GRIK2: variants seen among roughly 807,000 people sequenced by gnomAD.
GRIK2 encodes glutamate ionotropic receptor kainate type subunit 2.
Under a neutral mutation model 100.3 loss-of-function variants are expected in GRIK2, and 32 were observed. The observed-to-expected ratio is 0.32, with a 90% CI of 0.24 to 0.43. The LOEUF (loss-of-function observed/expected upper bound fraction) is 0.43. Ranked by LOEUF, GRIK2 falls within the 20% of genes least tolerant of loss-of-function variation. The probability of loss-of-function intolerance (pLI) is 1.00; values close to 1 mark genes in which losing one functional copy is unlikely to be tolerated. For missense variants in GRIK2, 843 were observed against 1,114.9 expected (o/e 0.76, Z 3.47); for synonymous variants, 417 against 389.4 (o/e 1.07, Z -0.83).
In GRIK2 at chr6:101,948,271, G is replaced by C. The variant is rs1282123429; in HGVS notation, c.2085+19639G>C. ...TTATATTTATTATGTCCTTATTCCT[G>C]TGTCTTCAAAACAGAAAATGATTTG... On this transcript the variant is annotated intron_variant, in intron 14 of 16. Transcript: ENST00000369134. 3.3e-5 allele frequency among the ~76,000 whole-genome samples: 5 copies of C among 150,926 alleles called. No homozygotes were observed. In the East Asian group the frequency reaches 9.7e-4, roughly 29 times the overall value.
intron 2 of GRIK2, among the ~76,000 whole-genome samples, chr6:101,450,577 C>T (rs1305591415): frequency 6.6e-6 from 1 of 151,748 alleles, no homozygotes; most frequent in Admixed American, 6.6e-5. Flanking sequence ...CACCAGAGAA[C>T]ATGTATTTTG....
chr6:101,708,415 A>G (rs1372929780), intron 7 of GRIK2, among the ~76,000 whole-genome samples: 2 of 151,612 alleles, frequency 1.3e-5, no homozygotes, highest in African/African-American at 4.8e-5. Flanking sequence ...GGATGATGAT[A>G]ATATAACTCT....
intron 7 of GRIK2, among the ~76,000 whole-genome samples, chr6:101,789,931 A>G (rs1332306732): frequency 1.3e-5 from 2 of 152,080 alleles, no homozygotes; most frequent in African/African-American, 4.8e-5. Flanking sequence ...CGTCCCTTGT[A>G]AGTTGGATTC....
chr6:101,502,988 C>T (rs958294726), intron 2 of GRIK2, among the ~76,000 whole-genome samples: 5 of 152,006 alleles, frequency 3.3e-5, no homozygotes, highest in Non-Finnish European at 7.4e-5. Flanking sequence ...GATGGCTGCT[C>T]TATTGAGGAA....
chr6:102,021,016 T>C (rs368107796), intron 14 of GRIK2, among the ~76,000 whole-genome samples: 1 of 151,824 alleles, frequency 6.6e-6, no homozygotes, highest in South Asian at 2.1e-4. Flanking sequence ...TATAGAAAAC[T>C]ATGTGCTTCC....
At chr6:101,798,783 C>T (rs1406665259) in intron 7 of GRIK2, among the ~76,000 whole-genome samples, 2 of 152,080 alleles carry the variant, frequency 1.3e-5, no homozygotes, top group Non-Finnish European at 2.9e-5. Flanking sequence ...ATCGATCTGT[C>T]AAACACAGAG....
At chr6:101,867,458 G>A (rs1785122234) in intron 11 of GRIK2, among the ~76,000 whole-genome samples, 1 of 151,684 alleles carries the variant, frequency 6.6e-6, no homozygotes, top group Non-Finnish European at 1.5e-5. Flanking sequence ...TCAGTGACAA[G>A]GATATTTTGA....
At chr6:101,566,877 T>C (rs1777302352) in intron 2 of GRIK2, among the ~76,000 whole-genome samples, 2 of 150,408 alleles carry the variant, frequency 1.3e-5, no homozygotes, top group Non-Finnish European at 3.0e-5. Context: ...CATATATACA[T>C]ATATTCAGAT....
intron 2 of GRIK2, among the ~76,000 whole-genome samples, chr6:101,618,747 G>A (rs1780012470): frequency 6.6e-6 from 1 of 151,398 alleles, no homozygotes; most frequent in African/African-American, 2.4e-5. Flanking sequence ...TATTTTCATT[G>A]ATATAGTCAA....
chr6:102,009,735 T>A (rs1795422496), intron 14 of GRIK2, among the ~76,000 whole-genome samples: 1 of 152,174 alleles, frequency 6.6e-6, no homozygotes, highest in Non-Finnish European at 1.5e-5. Flanking sequence ...TCTTACGGTG[T>A]AAACTGCCTA....
At chr6:102,027,672 C>G (rs1362721065) in intron 14 of GRIK2, among the ~76,000 whole-genome samples, 6 of 150,998 alleles carry the variant, frequency 4.0e-5, no homozygotes, top group Non-Finnish European at 5.9e-5. Flanking sequence ...TAAATCCTTG[C>G]TTTAGGAGGT....
intron 12 of GRIK2, among the ~76,000 whole-genome samples, chr6:101,904,368 T>G (rs1582499537): frequency 6.6e-6 from 1 of 151,566 alleles, no homozygotes; most frequent in East Asian, 1.9e-4. Context: ...CAATTTGAAG[T>G]TTTTAAAAAA....
intron 7 of GRIK2, among the ~76,000 whole-genome samples, chr6:101,704,025 T>G (rs918894983): frequency 6.6e-6 from 1 of 151,654 alleles, no homozygotes; most frequent in Non-Finnish European, 1.5e-5. Flanking sequence ...AGGAGCAAAA[T>G]TATCTTTTTG....
In GRIK2 at chr6:101,849,813, G is replaced by GTTTTT. The variant is rs36010543; in HGVS notation, c.1318-9452_1318-9448dup. 1.6e-3 allele frequency among the ~76,000 whole-genome samples: 87 copies of GTTTTT among 53,870 alleles called. 13 individuals are homozygous for GTTTTT. Among genetic ancestry groups the GTTTTT allele is most frequent in the East Asian group, 0.015 (16 of 1,056 alleles). 35.3% of individuals were successfully genotyped at this position (53,870 alleles called of 152,430 possible). ...AGGGATGCTATTTAAAAAAAGGAGG[G>GTTTTT]TTTTTTTTTTTTTTTTTTTTTTTTT... is the stretch of plus-strand genomic sequence containing the variant. On this transcript the variant is annotated intron_variant, in intron 10 of 16. Coordinates refer to ENST00000369134, the MANE Select transcript of GRIK2 (RefSeq NM_021956.5).
chr6:101,491,080 C>A lies in GRIK2; in HGVS notation c.115+91688C>A, dbSNP rs1373410220. Among the ~76,000 whole-genome samples, 2 of 148,602 alleles carry A rather than the reference C, an allele frequency of 1.3e-5. 1 individual carries two copies. Among genetic ancestry groups the A allele is most frequent in the African/African-American group, 5.1e-5 (2 of 39,506 alleles). ...GACCTGTAGACATCCATGAGTCATA[C>A]ATGTGAAAGTCAGGAACAGATCTTG... On this transcript the variant is annotated intron_variant, in intron 2 of 16. Transcript: ENST00000369134.
At chr6:101,493,070 A>T (rs1467433859) in intron 2 of GRIK2, among the ~76,000 whole-genome samples, 1 of 151,968 alleles carries the variant, frequency 6.6e-6, no homozygotes, top group Non-Finnish European at 1.5e-5. Context: ...GAATTAGTGA[A>T]CTTAAAGATC....
intron 14 of GRIK2, among the ~76,000 whole-genome samples, chr6:102,008,838 T>G (rs180863004): frequency 6.6e-6 from 1 of 152,188 alleles, no homozygotes; most frequent in Admixed American, 6.5e-5. Context: ...TATTATAATA[T>G]AAATCTCAAG....
intron 2 of GRIK2, among the ~76,000 whole-genome samples, chr6:101,589,454 A>C (rs1229347920): frequency 1.3e-5 from 2 of 152,042 alleles, no homozygotes; most frequent in South Asian, 2.1e-4. Context: ...ACACCCACCC[A>C]CCACCACAAC....
intron 11 of GRIK2, among the ~76,000 whole-genome samples, chr6:101,885,796 G>C (rs1304652428): frequency 6.6e-6 from 1 of 151,970 alleles, no homozygotes; most frequent in Non-Finnish European, 1.5e-5. Context: ...GAATTGTGCA[G>C]AAAGTAGACT....
Sources: allele counts gnomAD v4.1 joint callset (sites outside exome capture counted in the v4.1 genomes callset), GRCh38; gene constraint gnomAD v4.1.1; transcripts MANE v1.5; gene names NCBI Gene and HGNC (gene_info 2026-07-23, HGNC 2026-07-21).